DNAJC6: variants seen among roughly 807,000 people sequenced by gnomAD.
DNAJC6 encodes the protein auxilin.
In DNAJC6, 34 loss-of-function variants were observed where a neutral mutation model predicts 110.0. The ratio of observed to expected loss-of-function variants is 0.31; its 90% CI spans 0.24 to 0.41. The LOEUF is 0.41. Ranked by LOEUF, DNAJC6 falls within the 10% of genes least tolerant of loss-of-function variation. The probability of loss-of-function intolerance (pLI) is 1.00; values close to 1 mark genes in which losing one functional copy is unlikely to be tolerated. For synonymous variants in DNAJC6, 406 were observed against 437.2 expected, an observed-to-expected ratio of 0.93 and a Z score of 0.89; for missense variants, 1,031 against 1,207.8, an observed-to-expected ratio of 0.85 and a Z score of 2.17.
At chr1:65,270,295 T>C (rs188100644) in intron 1 of DNAJC6, among the ~76,000 whole-genome samples, 20 of 152,212 alleles carry the variant, frequency 1.3e-4, no homozygotes, top group Admixed American at 1.3e-3. Context: ...CGTATATGTA[T>C]ATATATATAC....
At chr1:65,355,940 A>AT (rs1389781933) in intron 1 of DNAJC6, among the ~76,000 whole-genome samples, 2 of 118,968 alleles carry the variant, frequency 1.7e-5, no homozygotes, top group Non-Finnish European at 3.4e-5. Context: ...TAGAGGCAGC[A>AT]TTTTTTTGTG....
intron 6 of DNAJC6, 27 bp from the exon 7 acceptor site, chr1:65,385,685 C>G (rs1645864918): frequency 6.5e-7 from 1 of 1,536,714 alleles, no homozygotes; most frequent in African/African-American, 1.4e-5. Flanking sequence ...TGATGGGCCC[C>G]AAGAGAGTGC....
intron 4 of DNAJC6, among the ~76,000 whole-genome samples, chr1:65,373,933 T>C (rs1408134917): frequency 6.6e-6 from 1 of 152,200 alleles, no homozygotes; most frequent in Non-Finnish European, 1.5e-5. Context: ...ATTCAAGTTT[T>C]TAATCAATTT....
At chr1:65,384,697 G>T (rs1225748846) in intron 6 of DNAJC6, among the ~76,000 whole-genome samples, 2 of 152,048 alleles carry the variant, frequency 1.3e-5, no homozygotes, top group Non-Finnish European at 2.9e-5. Context: ...CCGCCCCCAT[G>T]ATTCAATTAC....
At chr1:65,322,947 A>G (rs912432067) in intron 1 of DNAJC6, among the ~76,000 whole-genome samples, 1 of 152,260 alleles carries the variant, frequency 6.6e-6, no homozygotes, top group African/African-American at 2.4e-5. Flanking sequence ...AAAATCCAGA[A>G]AACACAAAGA....
intron 1 of DNAJC6, among the ~76,000 whole-genome samples, chr1:65,349,630 C>A (rs1212392284): frequency 6.6e-6 from 1 of 152,022 alleles, no homozygotes; most frequent in Admixed American, 6.6e-5. Context: ...AAATTCATTT[C>A]ATTATTTTTT....
At chr1:65,290,703 T>A (rs1490252826) in intron 1 of DNAJC6, among the ~76,000 whole-genome samples, 1 of 152,214 alleles carries the variant, frequency 6.6e-6, no homozygotes, top group Admixed American at 6.5e-5. Context: ...TTAATTTCTT[T>A]AACTATAGTA....
chr1:65,285,545 G>T (rs1021975569), intron 1 of DNAJC6, among the ~76,000 whole-genome samples: 1 of 152,142 alleles, frequency 6.6e-6, no homozygotes, highest in African/African-American at 2.4e-5. Context: ...GGTCATATAA[G>T]GTGATTGGGA....
At chr1:65,288,835 G>A (rs78605581) in intron 1 of DNAJC6, among the ~76,000 whole-genome samples, 13,462 of 152,104 alleles carry the variant, frequency 0.089, 949 homozygotes, top group East Asian at 0.23. Context: ...CCATTGTGTG[G>A]TAGTTGTAGT....
chr1:65,379,208 G>A (rs1645794690), intron 4 of DNAJC6, among the ~76,000 whole-genome samples, 194 bp from the exon 5 acceptor site: 1 of 152,168 alleles, frequency 6.6e-6, no homozygotes, highest in African/African-American at 2.4e-5. Context: ...TTTACTGAAT[G>A]AGAATTCTTT....
intron 1 of DNAJC6, among the ~76,000 whole-genome samples, chr1:65,353,297 A>T (rs1645509405): frequency 6.6e-6 from 1 of 152,088 alleles, no homozygotes; most frequent in Admixed American, 6.6e-5. Flanking sequence ...AATAGATTTG[A>T]TTATTATTAT....
At chr1:65,364,873 G>C in intron 2 of DNAJC6, 88 bp downstream of exon 2, 1 of 1,511,474 alleles carries the variant, frequency 6.6e-7, no homozygotes, top group Non-Finnish European at 9.0e-7. Flanking sequence ...GGCTCAAAGA[G>C]TGTCAATTTT....
chr1:65,397,405 A>G (rs1190922409), intron 13 of DNAJC6, among the ~76,000 whole-genome samples: 1 of 152,256 alleles, frequency 6.6e-6, no homozygotes, highest in Admixed American at 6.5e-5. Context: ...CACTTGGGAC[A>G]TGATGTTGGA....
intron 1 of DNAJC6, among the ~76,000 whole-genome samples, chr1:65,339,793 C>T (rs533929558): frequency 2.6e-4 from 39 of 152,220 alleles, no homozygotes; most frequent in African/African-American, 8.9e-4. Context: ...AGGTGGCCAA[C>T]TTGTTAGATA....
rs569645400 is a variant in DNAJC6 at position 65,314,727 on chromosome 1, A to T, written c.193+4789A>T. On this transcript the variant is annotated intron_variant, in intron 1 of 18. Transcript: ENST00000371069. ...GGTCTTGGACTCCTGACCTCAGGTG[A>T]TCCGCCTGCCTCAGCCTCCCAAAGT... 8.5e-5 allele frequency among the ~76,000 whole-genome samples: 13 copies of T among 152,316 alleles called. No individual in the cohort carries two copies. The South Asian group carries it at 2.7e-3, about 32-fold the overall frequency.
At position 65,406,135 on chromosome 1, in the gene DNAJC6, T is replaced by A. The variant is rs1246175007; in HGVS notation, c.2491+2T>A. 6.2e-7 allele frequency: 1 copy of A among 1,612,852 alleles called. No homozygotes were observed. The highest frequency in any genetic ancestry group is 2.2e-5 in the East Asian group (1 of 44,882). ...GTGGGAAAGGATCAAGTAATTTGGG[T>A]AAGGATAATGGTATGGGACCTAGCT... is the stretch of plus-strand genomic sequence containing the variant. On this transcript the variant is annotated splice_donor_variant, in intron 16 of 18. Transcript: ENST00000371069. LOFTEE classifies it high-confidence loss of function.
rs1420832129 is a variant in DNAJC6, at chr1:65,408,662, A to G, written c.2513A>G (p.Asp838Gly). ...SNLEGKQKAA[D>G]FEDLLSGQGF... is the part of the protein sequence containing the mutation. ...GCAGAAGGGAAACAAAAAGCAGCTG[A>G]TTTTGAAGACCTACTCTCTGGTCAA... Residue 838 changes from aspartate to glycine, a missense_variant, in exon 17 of 19, where the codon GAT (aspartate) becomes GGT (glycine). Physicochemically the swap from Asp to Gly is moderately conservative, Grantham distance 94. Coordinates refer to ENST00000371069, the MANE Select transcript of DNAJC6 (RefSeq NM_001256864.2). 1.2e-6 allele frequency: 2 copies of G among 1,611,792 alleles called. No homozygotes were observed. Among genetic ancestry groups the G allele is most frequent in the Non-Finnish European group, 8.5e-7 (1 of 1,179,480 alleles).
At chr1:65,371,275 C>A (rs918980281) in intron 4 of DNAJC6, among the ~76,000 whole-genome samples, 3 of 152,188 alleles carry the variant, frequency 2.0e-5, no homozygotes, top group African/African-American at 7.2e-5. Context: ...CCTAGGTTCA[C>A]ATCTCAGCTG....
intron 7 of DNAJC6, among the ~76,000 whole-genome samples, chr1:65,386,516 CA>C (rs1172487968): frequency 6.6e-6 from 1 of 152,164 alleles, no homozygotes; most frequent in African/African-American, 2.4e-5. Flanking sequence ...TAAGAAAAGG[CA>C]AATACATGGG....
Sources: allele counts gnomAD v4.1 joint callset (sites outside exome capture counted in the v4.1 genomes callset), GRCh38; gene constraint gnomAD v4.1.1; transcripts MANE v1.5; gene names NCBI Gene and HGNC (gene_info 2026-07-23, HGNC 2026-07-21).